Variants in ACCSL observed in about 807,000 individuals in gnomAD.
The protein encoded by ACCSL is 1-aminocyclopropane-1-carboxylate synthase homolog (inactive) like.
ACCSL carries 55 observed loss-of-function variants against 61.7 expected under a neutral mutation model. The ratio of observed to expected loss-of-function variants is 0.89; its 90% CI spans 0.72 to 1.12. The LOEUF (loss-of-function observed/expected upper bound fraction) is 1.12. Ranked by LOEUF, ACCSL falls within the 50% of genes most tolerant of loss-of-function variation. ACCSL has a pLI of 0.00. For missense variants in ACCSL, 632 were observed against 698.0 expected, an observed-to-expected ratio of 0.91 and a Z score of 1.07; for synonymous variants, 258 against 264.3, an observed-to-expected ratio of 0.98 and a Z score of 0.23.
At chr11:43,973,599 C>T in the ACCSL span, among the ~76,000 whole-genome samples, 7,313 of 152,074 alleles carry the variant, frequency 0.048, 293 homozygotes, top group Non-Finnish European at 0.068. Context: ...GCTAGGGTAG[C>T]GTAATTTGAT....
the ACCSL span, among the ~76,000 whole-genome samples, chr11:43,993,053 G>C: frequency 6.7e-6 from 1 of 148,834 alleles, no homozygotes; most frequent in African/African-American, 2.4e-5. Context: ...TGTTGCTTCT[G>C]TTTGTGTGCT....
the ACCSL span, among the ~76,000 whole-genome samples, chr11:44,039,250 A>T: frequency 6.6e-6 from 1 of 152,166 alleles, no homozygotes; most frequent in Non-Finnish European, 1.5e-5. Flanking sequence ...CTACTATGGC[A>T]CTGTCTTTCC....
chr11:44,020,744 C>T, the ACCSL span, among the ~76,000 whole-genome samples: 2 of 152,096 alleles, frequency 1.3e-5, no homozygotes, highest in Admixed American at 6.6e-5. Context: ...GCAGTGTACA[C>T]TTTACCCATG....
chr11:43,971,282 C>G, the ACCSL span, among the ~76,000 whole-genome samples: 1 of 16,776 alleles, frequency 6.0e-5, no homozygotes, highest in Non-Finnish European at 1.2e-4. Flanking sequence ...AAGACTCTGT[C>G]TCAAAAAAAA....
the ACCSL span, among the ~76,000 whole-genome samples, chr11:43,993,257 C>T: frequency 2.6e-5 from 4 of 152,110 alleles, no homozygotes; most frequent in African/African-American, 7.2e-5. Context: ...GGCCATTGGT[C>T]AGGGCAGGGG....
At chr11:44,056,006 A>T in intron 9 of ACCSL, 34 bp from the exon 10 acceptor site, 1 of 1,613,230 alleles carries the variant, frequency 6.2e-7, no homozygotes. Flanking sequence ...CTATTTCTCT[A>T]TAACCTTAGT....
chr11:44,018,820 A>AAAAC, the ACCSL span, among the ~76,000 whole-genome samples: 155 of 152,358 alleles, frequency 1.0e-3, no homozygotes, highest in African/African-American at 3.6e-3. Context: ...AAAAGGAAAT[A>AAAAC]AAACGAAAAT....
the ACCSL span, among the ~76,000 whole-genome samples, chr11:43,979,846 C>CAAAAAAAAAAAAAAAAAAGAAAA: frequency 2.0e-5 from 1 of 50,820 alleles, no homozygotes; most frequent in Non-Finnish European, 4.4e-5. Context: ...GACTCTGTCT[C>CAAAAAAAAAAAAAAAAAAGAAAA]AAAAAAAAAA....
At chr11:44,051,624 G>T in intron 4 of ACCSL, 29 bp from the exon 5 acceptor site, 1 of 1,613,946 alleles carries the variant, frequency 6.2e-7, no homozygotes, top group South Asian at 1.1e-5. Context: ...TATTGGTTTT[G>T]ACTTCTGCCT....
chr11:43,978,314 G>A, the ACCSL span, among the ~76,000 whole-genome samples: 2 of 151,972 alleles, frequency 1.3e-5, no homozygotes, highest in Non-Finnish European at 2.9e-5. Flanking sequence ...CTGGCCTCTA[G>A]GAAGCTCTTG....
the ACCSL span, among the ~76,000 whole-genome samples, chr11:43,932,845 G>A: frequency 6.6e-5 from 10 of 152,314 alleles, no homozygotes; most frequent in East Asian, 1.9e-4. Context: ...ACTCGGAAGC[G>A]GTTCCTTCCA....
chr11:43,921,190 T>G, the ACCSL span: 1 of 152,228 alleles, frequency 6.6e-6, no homozygotes, highest in Admixed American at 6.5e-5. Flanking sequence ...CCTTCTTGCT[T>G]TTTATCCTGT....
At chr11:43,932,728 A>C in the ACCSL span, among the ~76,000 whole-genome samples, 1 of 152,214 alleles carries the variant, frequency 6.6e-6, no homozygotes, top group Non-Finnish European at 1.5e-5. Flanking sequence ...TTTGGTGCCC[A>C]ACCACAGTAG....
chr11:43,977,680 A>G, the ACCSL span, among the ~76,000 whole-genome samples: 2 of 152,242 alleles, frequency 1.3e-5, no homozygotes, highest in Non-Finnish European at 2.9e-5. Context: ...TTGTTCTAAC[A>G]GCAATGGGAA....
chr11:44,052,892 G>T, intron 6 of ACCSL, 99 bp from the exon 7 acceptor site: 1 of 1,453,474 alleles, frequency 6.9e-7, no homozygotes. Flanking sequence ...ATGTGGACTG[G>T]CACTCTGGTA....
chr11:44,049,938 G>T, intron 1 of ACCSL, 124 bp from the exon 2 acceptor site: 1 of 1,331,072 alleles, frequency 7.5e-7, no homozygotes, highest in Non-Finnish European at 1.1e-6. Context: ...AACGTGTAAA[G>T]TTGTCAAATT....
chr11:43,945,629 A>C, the ACCSL span: 1 of 149,470 alleles, frequency 6.7e-6, no homozygotes, highest in Non-Finnish European at 1.5e-5. Flanking sequence ...AGATCGCTTG[A>C]GCCCAGGAGT....
rs1383566459 is a variant in ACCSL at position 44,053,483 on chromosome 11, G to T, written c.1026G>T (p.Met342Ile). ...ACATCTACTCCCCAGACTCACTGAT[G>T]AAATACCTGGAATTTGCCAAGAGGT... ...LGDIYSPDSLMKYLEFAKRYN... is the reference protein window; with the variant it reads ...LGDIYSPDSLIKYLEFAKRYN... The change falls in exon 8 of 14, where the codon ATG becomes ATT. Residue 342 changes from methionine (M) to isoleucine (I), a missense_variant. Transcript: ENST00000378832. The T allele has an allele frequency of 1.1e-5, 17 of 1,614,032 alleles. No homozygotes were observed. Among genetic ancestry groups the T allele is most frequent in the Non-Finnish European group, 1.4e-5 (16 of 1,180,014 alleles).
At chr11:43,988,434 G>C in the ACCSL span, among the ~76,000 whole-genome samples, 1 of 151,882 alleles carries the variant, frequency 6.6e-6, no homozygotes, top group African/African-American at 2.4e-5. Flanking sequence ...GTCTTCTAGA[G>C]GGAAGGTGAC....
Sources: gnomAD v4.1 joint callset for allele counts (sites outside exome capture counted in the v4.1 genomes callset) on GRCh38, gnomAD v4.1.1 for gene constraint, MANE v1.5 for transcripts, NCBI Gene and HGNC (gene_info 2026-07-23, HGNC 2026-07-21) for gene names.